Variants in ZNF534 observed in about 807,000 individuals in gnomAD.
The protein encoded by ZNF534 is KRAB domain only 3.
In ZNF534, 19 loss-of-function variants were observed where a neutral mutation model predicts 13.6. The ratio of observed to expected loss-of-function variants is 1.40; its 90% CI spans 0.97 to 2.05. ZNF534 has a LOEUF of 2.05. ZNF534 is among the 30% of genes most tolerant of loss of function. The pLI, the probability that ZNF534 is intolerant of heterozygous loss-of-function variation, is 0.00. For synonymous variants in ZNF534, 244 were observed against 273.8 expected (o/e 0.89, Z 1.07); for missense variants, 782 against 796.3 (o/e 0.98, Z 0.22).
rs955096745 is a variant in ZNF534 at position 52,439,510 on chromosome 19, G to A, written c.*64G>A. The A allele has an allele frequency of 1.5e-5, 21 of 1,399,106 alleles. No homozygotes were observed. Among genetic ancestry groups the A allele is most frequent in the African/African-American group, 1.0e-4 (7 of 68,622 alleles). 86.7% of individuals were successfully genotyped at this position (1,399,106 alleles called of 1,614,324 possible). A position where few individuals can be genotyped will look rare whatever the true frequency, so the allele number is the denominator to read the frequency against. ...TGTAATCCCAGCACTTTGGGAGTCC[G>A]AGGCAGGTGGATCATGAGGTCAGGA... On this transcript the variant is annotated 3_prime_UTR_variant, in exon 5 of 5. Coordinates refer to ENST00000433050, the MANE Select transcript of ZNF534 (RefSeq NM_001143938.3).
chr19:52,431,588 C>A, intron 2 of ZNF534, 99 bp downstream of exon 2: 1 of 1,502,804 alleles, frequency 6.7e-7, no homozygotes, highest in South Asian at 1.1e-5. Flanking sequence ...TCCTGCCTGA[C>A]TCATTTCATT....
chr19:52,431,928 T>C (rs16983806), intron 2 of ZNF534, among the ~76,000 whole-genome samples: 23,661 of 151,212 alleles, frequency 0.16, 2,581 homozygotes, highest in African/African-American at 0.31. Flanking sequence ...ATCTCGGCCA[T>C]ATAAATGTAT....
intron 3 of ZNF534, among the ~76,000 whole-genome samples, chr19:52,434,284 A>C (rs542909919): frequency 6.6e-6 from 1 of 151,902 alleles, no homozygotes; most frequent in South Asian, 2.1e-4. Context: ...TCACGAGGTC[A>C]GGAGATCGAG....
At chr19:52,451,443 C>T (rs568995201) in exon 5 of ZNF534, 200 of 616,908 alleles carry the variant, frequency 3.2e-4, no homozygotes, top group African/African-American at 3.1e-3. Context: ...CGGCGCCGCA[C>T]GCCCCGGACG....
chr19:52,433,072 A>G (rs560680283), intron 2 of ZNF534, among the ~76,000 whole-genome samples: 56 of 151,876 alleles, frequency 3.7e-4, no homozygotes, highest in Middle Eastern at 3.4e-3. Flanking sequence ...GTGAGACTCT[A>G]TCTCTACAAA....
At chr19:52,433,857 C>A (rs186657306) in intron 2 of ZNF534, 98 bp from the exon 3 acceptor site, 2 of 1,403,058 alleles carry the variant, frequency 1.4e-6, no homozygotes, top group East Asian at 4.6e-5. Context: ...GCGCAGTGCT[C>A]GCTTCAGTGG....
chr19:52,437,042 G>A (rs1036201742), intron 4 of ZNF534, among the ~76,000 whole-genome samples: 2 of 152,042 alleles, frequency 1.3e-5, no homozygotes, highest in African/African-American at 2.4e-5. Flanking sequence ...GACCTTAGTT[G>A]CTGTAAGGGT....
intron 4 of ZNF534, among the ~76,000 whole-genome samples, chr19:52,436,781 G>A (rs941459458): frequency 2.0e-5 from 3 of 151,900 alleles, no homozygotes; most frequent in Non-Finnish European, 4.4e-5. Context: ...CAGAATTTCT[G>A]TTCTCTTGTT....
chr19:52,446,912 T>A (rs1318993375), downstream of ZNF534, among the ~76,000 whole-genome samples: 1 of 152,220 alleles, frequency 6.6e-6, no homozygotes, highest in East Asian at 1.9e-4. Context: ...AAGCCTAATA[T>A]AGATCTGCAA....
chr19:52,441,681 C>T lies in ZNF534; in HGVS notation c.*2235C>T, dbSNP rs777628835. Among the ~76,000 whole-genome samples, 1 of 152,158 alleles carries T rather than the reference C, an allele frequency of 6.6e-6. No individual in the cohort carries two copies. The highest frequency in any genetic ancestry group is 1.5e-5 in the Non-Finnish European group (1 of 68,036). ...TCTTGTAATCCATACTGCAGACAAACCTTACAACTGTAATGAATGTGGCAA... is the reference window on the plus strand; with the variant it reads ...TCTTGTAATCCATACTGCAGACAAATCTTACAACTGTAATGAATGTGGCAA... On this transcript the variant is annotated 3_prime_UTR_variant, in exon 5 of 5. Coordinates refer to ENST00000433050, the MANE Select transcript of ZNF534 (RefSeq NM_001143938.3).
chr19:52,442,911 T>C (rs2059181464), downstream of ZNF534, among the ~76,000 whole-genome samples: 1 of 152,218 alleles, frequency 6.6e-6, no homozygotes, highest in Non-Finnish European at 1.5e-5. Flanking sequence ...ATTCTTTTCT[T>C]GAGTACTGCC....
intron 2 of ZNF534, among the ~76,000 whole-genome samples, chr19:52,432,964 C>T (rs577188610): frequency 2.0e-5 from 3 of 152,046 alleles, no homozygotes; most frequent in South Asian, 2.1e-4. Context: ...CACTATAGGT[C>T]GGATGTGGTA....
downstream of ZNF534, among the ~76,000 whole-genome samples, chr19:52,446,627 G>A (rs1339303228): frequency 6.6e-6 from 1 of 152,128 alleles, no homozygotes; most frequent in Non-Finnish European, 1.5e-5. Context: ...GGAGGCTGAA[G>A]CAGGAGAATC....
intron 3 of ZNF534, among the ~76,000 whole-genome samples, chr19:52,434,464 CAAAA>C (rs528136970): frequency 2.7e-4 from 17 of 63,094 alleles, no homozygotes; most frequent in East Asian, 3.8e-4. Context: ...GACTCCGTCT[CAAAA>C]AAAAAAAAAA....
In ZNF534 at chr19:52,438,778, T is replaced by C; in HGVS notation, c.1318T>C (p.Cys440Arg). ...LIHTGEKPYE[C>R]IDCGKVFRHK... The stretch of plus-strand genomic sequence containing the variant: ...CCATACTGGAGAGAAACCTTACGAA[T>C]GTATAGACTGTGGCAAGGTCTTCAG... The change falls in exon 5 of 5, where the codon TGT becomes CGT. Residue 440 changes from cysteine to arginine, a missense_variant. Coordinates refer to ENST00000433050, the MANE Select transcript of ZNF534 (RefSeq NM_001143938.3). 6.2e-7 allele frequency: 1 copy of C among 1,607,824 alleles called. No homozygotes were observed. The highest frequency in any genetic ancestry group is 8.5e-7 in the Non-Finnish European group (1 of 1,176,798).
chr19:52,438,552 T>G lies in ZNF534; in HGVS notation c.1092T>G (p.Ser364Arg), dbSNP rs1466430774. Residue 364 changes from serine (S) to arginine (R), a missense_variant, in exon 5 of 5, where the codon AGT (serine) becomes AGG (arginine). Coordinates refer to ENST00000433050, the MANE Select transcript of ZNF534 (RefSeq NM_001143938.3). ...YKCNECGKGF[S>R]RIAFLARHRK... ...GTAATGAATGTGGCAAGGGGTTTAGTCGAATTGCATTCCTTGCAAGGCATC... is the reference window on the plus strand; with the variant it reads ...GTAATGAATGTGGCAAGGGGTTTAGGCGAATTGCATTCCTTGCAAGGCATC... 1.9e-6 allele frequency: 3 copies of G among 1,580,732 alleles called. No individual in the cohort carries two copies. The Admixed American group carries it at 5.6e-5, about 29-fold the overall frequency.
intron 2 of ZNF534, among the ~76,000 whole-genome samples, chr19:52,433,544 T>C (rs2023527): frequency 0.18 from 26,988 of 148,070 alleles, 2,740 homozygotes; most frequent in Admixed American, 0.3. Flanking sequence ...TTTTTTGTAT[T>C]TTTAGTAGAG....
At position 52,439,466 on chromosome 19, in the gene ZNF534, G is replaced by A; in HGVS notation, c.*20G>A. The A allele has an allele frequency of 6.7e-7, 1 of 1,496,410 alleles. No individual in the cohort carries two copies. Among genetic ancestry groups the A allele is most frequent in the Non-Finnish European group, 8.9e-7 (1 of 1,121,424 alleles). The allele number at this position is 1,496,410 out of a possible 1,614,324, so 92.7% of individuals were successfully genotyped here. ...CCTTAAAAATTTAGTGAAGCTGGCA[G>A]GGCGCAGTGGCTCACGTCTGTAATC... is the stretch of plus-strand genomic sequence containing the variant. On this transcript the variant is annotated 3_prime_UTR_variant, in exon 5 of 5. Transcript: ENST00000433050.
At position 52,439,318 on chromosome 19, in the gene ZNF534, C is replaced by A. The variant is rs767860348; in HGVS notation, c.1858C>A (p.Arg620Ser). ...TAGCAAGGTCTTCAGTCGGAATTCA[C>A]GCCTTGCACAACATAGGAATATTCA... Reference protein sequence around the residue: ...ECSKVFSRNSRLAQHRNIHTG... With the variant: ...ECSKVFSRNSSLAQHRNIHTG... Residue 620 changes from arginine to serine, a missense_variant, in exon 5 of 5, where the codon CGC becomes AGC. This residue lies in a region of ZNF534 where 60 missense variants were observed against 59.9 expected (regional missense o/e 1.00). Coordinates refer to ENST00000433050, the MANE Select transcript of ZNF534 (RefSeq NM_001143938.3). The A allele has an allele frequency of 6.4e-7, 1 of 1,555,548 alleles. No homozygotes were observed. Among genetic ancestry groups the A allele is most frequent in the Non-Finnish European group, 8.7e-7 (1 of 1,149,222 alleles).
Sources: gnomAD v4.1 joint callset for allele counts (sites outside exome capture counted in the v4.1 genomes callset) on GRCh38, gnomAD v4.1.1 for gene constraint, gnomAD v4.1.1 regional missense constraint, MANE v1.5 for transcripts, NCBI Gene and HGNC (gene_info 2026-07-23, HGNC 2026-07-21) for gene names.